Variants in PUS10 observed in about 807,000 individuals in gnomAD.
The protein encoded by PUS10 is tRNA pseudouridine synthase Pus10.
A neutral mutation model predicts 75.0 loss-of-function variants in PUS10; 59 were observed. The observed-to-expected ratio is 0.79, with a 90% CI of 0.64 to 0.98. The LOEUF is 0.98. Among genes scored for constraint, PUS10 ranks in the 50% least tolerant of loss-of-function variants. The pLI, the probability that PUS10 is intolerant of heterozygous loss-of-function variation, is 0.00. For synonymous variants in PUS10, 219 were observed against 211.6 expected, an observed-to-expected ratio of 1.03 and a Z score of -0.30; for missense variants, 650 against 614.4, an observed-to-expected ratio of 1.06 and a Z score of -0.61.
intron 4 of PUS10, among the ~76,000 whole-genome samples, chr2:60,996,964 A>G (rs1395565008): frequency 2.0e-5 from 3 of 152,208 alleles, no homozygotes; most frequent in Admixed American, 2.0e-4. Context: ...AATCACAACC[A>G]TATACACATT....
chr2:61,003,664 T>A (rs886652493), intron 4 of PUS10, among the ~76,000 whole-genome samples: 2 of 148,600 alleles, frequency 1.3e-5, no homozygotes, highest in Admixed American at 1.3e-4. Context: ...CCCACCTTGG[T>A]CTCCAGGGTA....
At chr2:60,971,051 G>T (rs191252043) in intron 5 of PUS10, among the ~76,000 whole-genome samples, 123 of 151,958 alleles carry the variant, frequency 8.1e-4, no homozygotes, top group African/African-American at 2.4e-3. Context: ...ATGGTGGCAG[G>T]CTCCTGTAAT....
At chr2:60,970,840 T>C (rs961118228) in intron 5 of PUS10, among the ~76,000 whole-genome samples, 5 of 152,238 alleles carry the variant, frequency 3.3e-5, no homozygotes, top group African/African-American at 9.6e-5. Context: ...TTACTTTTTA[T>C]CTTTTATGAC....
At chr2:60,960,768 T>C (rs1455193679) in intron 10 of PUS10, among the ~76,000 whole-genome samples, 1 of 151,518 alleles carries the variant, frequency 6.6e-6, no homozygotes, top group African/African-American at 2.4e-5. Context: ...CAAATGAGTT[T>C]GAAAGGAATG....
chr2:60,978,759 G>C (rs1374751077), intron 4 of PUS10, among the ~76,000 whole-genome samples: 1 of 152,118 alleles, frequency 6.6e-6, no homozygotes, highest in Non-Finnish European at 1.5e-5. Context: ...GAAAAAGATG[G>C]GAATTAAAGA....
In PUS10 at chr2:60,955,005, G is replaced by C; in HGVS notation, c.1057+13C>G. On this transcript the variant is annotated intron_variant, in intron 12 of 17. Transcript: ENST00000316752. Reference sequence around the variant, plus strand: ...AAGTTAGTTCTAATCAGGTGATGCTGTTGCAGTCTTACCATTTCCTAATGT... The same window carrying C: ...AAGTTAGTTCTAATCAGGTGATGCTCTTGCAGTCTTACCATTTCCTAATGT... The C allele has an allele frequency of 6.5e-7, 1 of 1,530,790 alleles. No homozygotes were observed. Among genetic ancestry groups the C allele is most frequent in the Non-Finnish European group, 8.9e-7 (1 of 1,118,372 alleles). The allele number at this position is 1,530,790 out of a possible 1,614,324, so 94.8% of individuals were successfully genotyped here. A position where few individuals can be genotyped will look rare whatever the true frequency, so the allele number is the denominator to read the frequency against.
chr2:61,012,440 T>C (rs1009980920), intron 1 of PUS10, among the ~76,000 whole-genome samples: 3 of 152,006 alleles, frequency 2.0e-5, no homozygotes, highest in Non-Finnish European at 4.4e-5. Context: ...TTCCCCAGAC[T>C]AGCCATAGAA....
At chr2:60,986,981 T>C (rs1465994038) in intron 4 of PUS10, among the ~76,000 whole-genome samples, 4 of 152,248 alleles carry the variant, frequency 2.6e-5, no homozygotes, top group African/African-American at 4.8e-5. Flanking sequence ...TTGTTGTTTT[T>C]ATAATACAGG....
chr2:60,982,890 C>T (rs992208711), intron 4 of PUS10, among the ~76,000 whole-genome samples: 4 of 151,582 alleles, frequency 2.6e-5, no homozygotes, highest in East Asian at 1.9e-4. Context: ...AGCTCAGTGG[C>T]GCGATCATGA....
intron 4 of PUS10, among the ~76,000 whole-genome samples, chr2:61,001,085 C>T (rs1333739744): frequency 6.6e-6 from 1 of 152,184 alleles, no homozygotes; most frequent in East Asian, 1.9e-4. Context: ...CAGGATTTTT[C>T]AGAGCCCTGC....
intron 5 of PUS10, among the ~76,000 whole-genome samples, chr2:60,970,560 T>C (rs1186902489): frequency 6.6e-6 from 1 of 152,166 alleles, no homozygotes; most frequent in African/African-American, 2.4e-5. Context: ...AGGAGGCGAT[T>C]TAGAGACTTT....
chr2:60,967,057 C>T (rs926174545), intron 6 of PUS10: 2 of 153,734 alleles, frequency 1.3e-5, no homozygotes, highest in African/African-American at 4.8e-5. Flanking sequence ...ATTTGAGATA[C>T]CAACAAGGTA....
chr2:60,971,439 A>C, intron 5 of PUS10, 84 bp downstream of exon 5: 14 of 1,196,552 alleles, frequency 1.2e-5, no homozygotes, highest in Non-Finnish European at 1.6e-5. Context: ...CTATAAAAAT[A>C]GAGATTGTAG....
chr2:60,989,636 CTT>C (rs548125640), intron 4 of PUS10, among the ~76,000 whole-genome samples: 1 of 147,392 alleles, frequency 6.8e-6, no homozygotes, highest in African/African-American at 2.5e-5. Flanking sequence ...ACTGCTTATT[CTT>C]TTTTTTTTTC....
chr2:60,986,662 T>A (rs1365764967), intron 4 of PUS10, among the ~76,000 whole-genome samples: 1 of 152,224 alleles, frequency 6.6e-6, no homozygotes, highest in Admixed American at 6.5e-5. Context: ...TCAAACAAAA[T>A]CTTTCCAATA....
At chr2:60,955,138 A>T in intron 11 of PUS10, 64 bp from the exon 12 acceptor site, 1 of 1,045,344 alleles carries the variant, frequency 9.6e-7, no homozygotes, top group Non-Finnish European at 1.4e-6. Flanking sequence ...TTCATTCCCA[A>T]CCTTTGCTAG....
chr2:61,010,658 TATTA>T, intron 2 of PUS10: 2 of 1,013,622 alleles, frequency 2.0e-6, no homozygotes, highest in South Asian at 3.3e-5. Flanking sequence ...CCACGTACTT[TATTA>T]GGTATTGTCC....
At chr2:60,995,213 C>T (rs1479095893) in intron 4 of PUS10, among the ~76,000 whole-genome samples, 1 of 152,150 alleles carries the variant, frequency 6.6e-6, no homozygotes, top group Non-Finnish European at 1.5e-5. Context: ...ATAACACCAC[C>T]TACTTTAAGG....
At chr2:60,993,689 TCA>T (rs1270772737) in intron 4 of PUS10, among the ~76,000 whole-genome samples, 1 of 152,104 alleles carries the variant, frequency 6.6e-6, no homozygotes. Flanking sequence ...AAAAATATAT[TCA>T]GTTTTATTTA....
Sources: allele counts gnomAD v4.1 joint callset (sites outside exome capture counted in the v4.1 genomes callset), GRCh38; gene constraint gnomAD v4.1.1; transcripts MANE v1.5; gene names NCBI Gene and HGNC (gene_info 2026-07-23, HGNC 2026-07-21).